The following DPH6 variants were observed in gnomAD, a reference collection of about 807,000 sequenced individuals.
DPH6 encodes the protein diphthine--ammonia ligase.
In DPH6, 33 loss-of-function variants were observed where a neutral mutation model predicts 38.2. That is an observed-to-expected ratio of 0.86 (90% CI 0.65 to 1.15). The LOEUF (loss-of-function observed/expected upper bound fraction) is 1.15, where lower values mean the gene tolerates loss of function less well. Among genes scored for constraint, DPH6 ranks in the 50% most tolerant of loss-of-function variants. The pLI is 0.00. For missense variants in DPH6, 325 were observed against 320.0 expected (o/e 1.02, Z -0.12); for synonymous variants, 108 against 103.0 (o/e 1.05, Z -0.30).
At chr15:35,383,169 T>C (rs2052895183) in intron 6 of DPH6, among the ~76,000 whole-genome samples, 1 of 152,242 alleles carries the variant, frequency 6.6e-6, no homozygotes, top group African/African-American at 2.4e-5. Flanking sequence ...GTAATTTCTG[T>C]AATCCACCAC....
chr15:35,391,636 C>A (rs148471936), intron 6 of DPH6, among the ~76,000 whole-genome samples: 1 of 152,194 alleles, frequency 6.6e-6, no homozygotes, highest in African/African-American at 2.4e-5. Context: ...TAGGACCCTC[C>A]GAACCAGGTG....
intron 3 of DPH6, among the ~76,000 whole-genome samples, chr15:35,488,803 G>C (rs899062372): frequency 7.9e-5 from 12 of 152,092 alleles, no homozygotes; most frequent in African/African-American, 2.9e-4. Flanking sequence ...CAGTAAAACA[G>C]AATTATGAAA....
At chr15:35,469,072 AAACAACAACAACAAC>A (rs10649323) in intron 3 of DPH6, among the ~76,000 whole-genome samples, 2 of 149,044 alleles carry the variant, frequency 1.3e-5, no homozygotes, top group Admixed American at 6.7e-5. Flanking sequence ...CTCTGCTTCA[AAACAACAACAACAAC>A]AACAACAACA....
intron 3 of DPH6, among the ~76,000 whole-genome samples, chr15:35,311,902 T>A (rs991632115): frequency 6.6e-6 from 1 of 151,100 alleles, no homozygotes; most frequent in South Asian, 2.1e-4. Flanking sequence ...TAGCCAACAG[T>A]AGATGATGTC....
At chr15:35,428,274 G>C (rs1337282925) in intron 5 of DPH6, among the ~76,000 whole-genome samples, 1 of 151,898 alleles carries the variant, frequency 6.6e-6, no homozygotes, top group Non-Finnish European at 1.5e-5. Context: ...CCAATAGTTT[G>C]ATGCCCTGGA....
At chr15:35,280,568 T>C (rs1416397581) in intron 3 of DPH6, among the ~76,000 whole-genome samples, 2 of 152,220 alleles carry the variant, frequency 1.3e-5, no homozygotes, top group African/African-American at 4.8e-5. Flanking sequence ...GCCTTAATGA[T>C]AATAATGCAA....
chr15:35,334,402 CTTTTA>C (rs1212698793), intron 3 of DPH6, among the ~76,000 whole-genome samples: 4 of 151,884 alleles, frequency 2.6e-5, no homozygotes, highest in Non-Finnish European at 4.4e-5. Context: ...TTTTCTTCTA[CTTTTA>C]TTTTAAGTTC....
intron 3 of DPH6, among the ~76,000 whole-genome samples, chr15:35,310,380 T>C (rs1176279303): frequency 6.6e-6 from 1 of 152,186 alleles, no homozygotes; most frequent in East Asian, 1.9e-4. Context: ...GGGTAGGCAG[T>C]CCAGCCTTGC....
At chr15:35,480,636 T>C (rs1019807723) in intron 3 of DPH6, among the ~76,000 whole-genome samples, 1 of 152,086 alleles carries the variant, frequency 6.6e-6, no homozygotes. Context: ...ATATTTTACA[T>C]AAAGCATACT....
chr15:35,326,860 T>C (rs184103034), downstream of DPH6, among the ~76,000 whole-genome samples: 114 of 152,296 alleles, frequency 7.5e-4, 1 homozygote, highest in African/African-American at 2.6e-3. Context: ...GAACCTGCAT[T>C]CTAGCTGAGG....
chr15:35,364,727 C>T (rs1457859451), intron 3 of DPH6, among the ~76,000 whole-genome samples: 1 of 151,780 alleles, frequency 6.6e-6, no homozygotes, highest in South Asian at 2.1e-4. Flanking sequence ...TTGTTTCCAG[C>T]AGTTTTACCA....
intron 5 of DPH6, among the ~76,000 whole-genome samples, chr15:35,443,850 T>C (rs2053818409): frequency 6.6e-6 from 1 of 152,232 alleles, no homozygotes; most frequent in Non-Finnish European, 1.5e-5. Context: ...CAATGTGATA[T>C]TTATTTTATA....
At chr15:35,444,682 A>G (rs898722143) in intron 5 of DPH6, among the ~76,000 whole-genome samples, 11 of 152,194 alleles carry the variant, frequency 7.2e-5, no homozygotes, top group African/African-American at 2.7e-4. Flanking sequence ...CTGTTGACCA[A>G]TATGATGTTC....
At chr15:35,241,644 T>G (rs893289825) in intron 3 of DPH6, among the ~76,000 whole-genome samples, 6 of 142,312 alleles carry the variant, frequency 4.2e-5, no homozygotes, top group Non-Finnish European at 9.2e-5. Context: ...GTCCTCCTCT[T>G]GTATTCCCCC....
At chr15:35,509,550 A>G (rs2054739886) in intron 3 of DPH6, among the ~76,000 whole-genome samples, 2 of 152,218 alleles carry the variant, frequency 1.3e-5, no homozygotes. Context: ...ACATTATCAC[A>G]AATAATTCTA....
intron 3 of DPH6, among the ~76,000 whole-genome samples, chr15:35,228,214 A>G (rs1441446478): frequency 6.6e-6 from 1 of 152,212 alleles, no homozygotes; most frequent in Non-Finnish European, 1.5e-5. Flanking sequence ...CTGCACCTTA[A>G]AAGTTAAAAA....
At chr15:35,506,526 G>C (rs2054696637) in intron 3 of DPH6, among the ~76,000 whole-genome samples, 1 of 152,096 alleles carries the variant, frequency 6.6e-6, no homozygotes, top group Admixed American at 6.6e-5. Context: ...TAAATAAGAG[G>C]GGTTCCTACT....
downstream of DPH6, among the ~76,000 whole-genome samples, chr15:35,330,085 C>A (rs924665510): frequency 9.2e-5 from 14 of 152,098 alleles, no homozygotes; most frequent in Non-Finnish European, 2.1e-4. Flanking sequence ...TGACAAGTTT[C>A]ATTATATATT....
intron 3 of DPH6, among the ~76,000 whole-genome samples, chr15:35,342,297 T>C (rs1389004493): frequency 2.0e-5 from 3 of 152,176 alleles, no homozygotes; most frequent in African/African-American, 4.8e-5. Flanking sequence ...CGCAAGTCTC[T>C]GGTAGTGTGG....
Sources: gnomAD v4.1 joint callset for allele counts (sites outside exome capture counted in the v4.1 genomes callset) on GRCh38, gnomAD v4.1.1 for gene constraint, MANE v1.5 for transcripts, NCBI Gene and HGNC (gene_info 2026-07-23, HGNC 2026-07-21) for gene names.